SH3BGRL: variants seen among roughly 807,000 people sequenced by gnomAD.
SH3BGRL encodes SH3 domain binding glutamate rich protein like.
In SH3BGRL, 7 loss-of-function variants were observed where a neutral mutation model predicts 9.8. The observed-to-expected ratio is 0.72, with a 90% CI of 0.41 to 1.35. SH3BGRL has a LOEUF of 1.35. SH3BGRL is among the 40% of genes most tolerant of loss of function. The pLI is 0.01. For synonymous variants in SH3BGRL, 36 were observed against 29.1 expected (o/e 1.24, Z -0.76); for missense variants, 73 against 84.4 (o/e 0.86, Z 0.53).
At position 81,227,752 on chromosome X, in the gene SH3BGRL, T is replaced by A. The variant is rs187552854; in HGVS notation, c.45+25507T>A. Among the ~76,000 whole-genome samples, 4 of 112,355 alleles carry A rather than the reference T, an allele frequency of 3.6e-5. No individual in the cohort carries two copies. The East Asian group carries it at 1.1e-3, about 31-fold the overall frequency. ...TTTTATCTATTTTTATTTGTTATTT[T>A]ATAATTCTTGTAAGCCGAATGTGCT... On this transcript the variant is annotated intron_variant, in intron 1 of 3. Transcript: ENST00000373212.
intron 1 of SH3BGRL, among the ~76,000 whole-genome samples, chrX:81,240,467 T>C (rs1602606211): frequency 8.9e-6 from 1 of 112,047 alleles, no homozygotes. Context: ...GAAATAAAAT[T>C]AAATAGCGGG....
intron 1 of SH3BGRL, among the ~76,000 whole-genome samples, chrX:81,231,659 C>G (rs1200214428): frequency 1.8e-5 from 2 of 111,683 alleles, no homozygotes; most frequent in Non-Finnish European, 3.8e-5. Context: ...AACTGAATTG[C>G]TGTTTTGGTT....
chrX:81,232,421 T>C (rs2075635825), intron 1 of SH3BGRL, among the ~76,000 whole-genome samples: 1 of 109,919 alleles, frequency 9.1e-6, no homozygotes, highest in Non-Finnish European at 1.9e-5. Context: ...ATGATGATGA[T>C]GATGATGATG....
At position 81,267,601 on chromosome X, in the gene SH3BGRL, C is replaced by T. The variant is rs145522871; in HGVS notation, c.46-9383C>T. On this transcript the variant is annotated intron_variant, in intron 1 of 3. Transcript: ENST00000373212. ...AAGCTTTTTGATGTGCTGCTGGATT[C>T]GGTTTGCCAGTATTTTATTGAGGAT... is the stretch of plus-strand genomic sequence containing the variant. 4.7e-3 allele frequency among the ~76,000 whole-genome samples: 522 copies of T among 111,360 alleles called. 2 individuals are homozygous for T. Among genetic ancestry groups the T allele is most frequent in the African/African-American group, 0.016 (486 of 30,602 alleles).
At chrX:81,270,918 T>G (rs183074774) in intron 1 of SH3BGRL, among the ~76,000 whole-genome samples, 2 of 111,680 alleles carry the variant, frequency 1.8e-5, no homozygotes, top group East Asian at 5.7e-4. Context: ...TTGTTTACAT[T>G]GTGAGCATGG....
chrX:81,253,054 T>A (rs1219001887), intron 1 of SH3BGRL, among the ~76,000 whole-genome samples: 1 of 112,387 alleles, frequency 8.9e-6, no homozygotes. Context: ...CAATAAGTGA[T>A]TCTCTGAATC....
At chrX:81,250,077 A>T (rs1004432273) in intron 1 of SH3BGRL, among the ~76,000 whole-genome samples, 3 of 107,291 alleles carry the variant, frequency 2.8e-5, no homozygotes, top group Non-Finnish European at 5.8e-5. Context: ...CATGTTCTGG[A>T]GTTATGGACT....
chrX:81,281,355 G>A lies in SH3BGRL; in HGVS notation c.312+2944G>A, dbSNP rs150806910. 4.8e-3 allele frequency among the ~76,000 whole-genome samples: 532 copies of A among 111,450 alleles called. 2 individuals carry two copies. Among genetic ancestry groups the A allele is most frequent in the African/African-American group, 0.013 (387 of 30,764 alleles). The stretch of plus-strand genomic sequence containing the variant: ...GGAAATCCATTCCAAAAAGATCTTC[G>A]CCTTAGGCACACTGTCATCAGGTTA... On this transcript the variant is annotated intron_variant, in intron 3 of 3. Coordinates refer to ENST00000373212, the MANE Select transcript of SH3BGRL (RefSeq NM_003022.3).
intron 1 of SH3BGRL, among the ~76,000 whole-genome samples, chrX:81,205,349 G>GTCT (rs1180931943): frequency 9.1e-6 from 1 of 110,147 alleles, no homozygotes; most frequent in African/African-American, 3.3e-5. Flanking sequence ...TCTGTGTTAT[G>GTCT]TCTTAGTTCA....
At chrX:81,230,880 G>A (rs1419911419) in intron 1 of SH3BGRL, among the ~76,000 whole-genome samples, 3 of 111,540 alleles carry the variant, frequency 2.7e-5, no homozygotes, top group Non-Finnish European at 5.6e-5. Context: ...TTGGGTGAAA[G>A]CTGGATTCCC....
chrX:81,261,109 T>C (rs2075740025), intron 1 of SH3BGRL, among the ~76,000 whole-genome samples: 1 of 111,337 alleles, frequency 9.0e-6, no homozygotes, highest in Non-Finnish European at 1.9e-5. Flanking sequence ...AAAAAAGCCA[T>C]ATAAAATATC....
chrX:81,237,301 GT>G (rs2075651582), intron 1 of SH3BGRL: 1 of 325,613 alleles, frequency 3.1e-6, no homozygotes, highest in Non-Finnish European at 5.9e-6. Flanking sequence ...ATAGTACCTG[GT>G]TTTAACATCA....
At chrX:81,288,150 A>T (rs2075843195) in intron 3 of SH3BGRL, among the ~76,000 whole-genome samples, 1 of 111,897 alleles carries the variant, frequency 8.9e-6, no homozygotes, top group African/African-American at 3.2e-5. Flanking sequence ...AAATCAACCA[A>T]TGTGACACAT....
Position 81,202,154 on chromosome X carries a change from C to T in SH3BGRL, c.-47C>T. On this transcript the variant is annotated 5_prime_UTR_variant, in exon 1 of 4. Coordinates refer to ENST00000373212, the MANE Select transcript of SH3BGRL (RefSeq NM_003022.3). The stretch of plus-strand genomic sequence containing the variant: ...GATTCCAGCCATTGCTGCAGCTGCT[C>T]CACAGCCCTTTTCAGGACCCAAACA... The T allele has an allele frequency of 8.5e-7, 1 of 1,176,506 alleles. No homozygotes were observed.
At chrX:81,238,049 G>T (rs1461987799) in intron 1 of SH3BGRL, among the ~76,000 whole-genome samples, 1 of 109,337 alleles carries the variant, frequency 9.1e-6, no homozygotes, top group African/African-American at 3.3e-5. Flanking sequence ...TCCATCATTT[G>T]CTAACTAAAG....
At chrX:81,252,335 A>G (rs1355902738) in intron 1 of SH3BGRL, among the ~76,000 whole-genome samples, 1 of 111,872 alleles carries the variant, frequency 8.9e-6, no homozygotes, top group Non-Finnish European at 1.9e-5. Flanking sequence ...GCTCAGGTAA[A>G]TTAGATATAT....
At chrX:81,245,471 G>T (rs573636904) in intron 1 of SH3BGRL, among the ~76,000 whole-genome samples, 2 of 112,038 alleles carry the variant, frequency 1.8e-5, no homozygotes, top group Admixed American at 1.9e-4. Flanking sequence ...TTGCTTTTAT[G>T]TAATAAGAGA....
intron 2 of SH3BGRL, 38 bp downstream of exon 2, chrX:81,277,207 AT>A (rs753503864): frequency 1.4e-5 from 15 of 1,099,017 alleles, no homozygotes; most frequent in African/African-American, 3.7e-5. Context: ...ATTGTAATAG[AT>A]TGCCCCAAAT....
intron 1 of SH3BGRL, among the ~76,000 whole-genome samples, chrX:81,227,833 G>A (rs1358938859): frequency 8.9e-6 from 1 of 111,767 alleles, no homozygotes; most frequent in Non-Finnish European, 1.9e-5. Flanking sequence ...AATGCCTGAA[G>A]TATTAACCCA....
Sources: gnomAD v4.1 joint callset for allele counts (sites outside exome capture counted in the v4.1 genomes callset) on GRCh38, gnomAD v4.1.1 for gene constraint, MANE v1.5 for transcripts, NCBI Gene and HGNC (gene_info 2026-07-23, HGNC 2026-07-21) for gene names.